Variants in MAP1B observed in about 807,000 individuals in gnomAD.
MAP1B encodes the protein microtubule associated protein 1B, also known as microtubule-associated protein 1B.
Under a neutral mutation model 176.1 loss-of-function variants are expected in MAP1B, and 12 were observed. That is an observed-to-expected ratio of 0.07 (90% CI 0.04 to 0.11). MAP1B has a LOEUF of 0.11. MAP1B is among the 10% of genes least tolerant of loss of function. The probability of loss-of-function intolerance (pLI) is 1.00; values close to 1 mark genes in which losing one functional copy is unlikely to be tolerated. For synonymous variants in MAP1B, 1,044 were observed against 1,135.0 expected, an observed-to-expected ratio of 0.92 and a Z score of 1.61; for missense variants, 2,523 against 2,990.5, an observed-to-expected ratio of 0.84 and a Z score of 3.65.
chr5:72,121,239 G>A (rs897514338), intron 2 of MAP1B, among the ~76,000 whole-genome samples: 3 of 151,316 alleles, frequency 2.0e-5, no homozygotes, highest in Admixed American at 6.6e-5. Flanking sequence ...CTCCCTCCAC[G>A]CCGTTCTACA....
Position 72,204,938 on chromosome 5 carries a change from A to AATCCTTTGC in MAP1B, c.7252-143_7252-135dup, listed in dbSNP as rs1261885131. 2.7e-5 allele frequency: 15 copies of AATCCTTTGC among 564,298 alleles called. No homozygotes were observed. Among genetic ancestry groups the AATCCTTTGC allele is most frequent in the Non-Finnish European group, 4.6e-5 (15 of 328,856 alleles). 35.0% of individuals were successfully genotyped at this position (564,298 alleles called of 1,614,324 possible). A position where few individuals can be genotyped will look rare whatever the true frequency, so the allele number is the denominator to read the frequency against. On this transcript the variant is annotated intron_variant, in intron 6 of 6. Transcript: ENST00000296755. This position sits in a 1 kb window ranked among gnomAD's most constrained non-coding sequence, Gnocchi z 4.4. Reference sequence around the variant, plus strand: ...GGTTCCTGGAAAATATACATTGAAAAATCCTTTGCATTTCTTGAGGAAAAT... The same window carrying AATCCTTTGC: ...GGTTCCTGGAAAATATACATTGAAAAATCCTTTGCATCCTTTGCATTTCTTGAGGAAAAT...
chr5:72,121,088 G>A (rs1310908019), intron 2 of MAP1B, among the ~76,000 whole-genome samples: 1 of 152,190 alleles, frequency 6.6e-6, no homozygotes, highest in Non-Finnish European at 1.5e-5. Context: ...TAAAGTGCTG[G>A]CTGGTAAAGC....
At chr5:72,108,706 C>T (rs560170630) in intron 1 of MAP1B, among the ~76,000 whole-genome samples, 2 of 152,116 alleles carry the variant, frequency 1.3e-5, no homozygotes, top group African/African-American at 2.4e-5. Flanking sequence ...GCGGCGCCCC[C>T]GTCGGGCACG....
rs1747187651 is a variant in MAP1B at position 72,196,941 on chromosome 5, G to A, written c.3586G>A (p.Asp1196Asn). 1 of 1,614,136 alleles carries A rather than the reference G, an allele frequency of 6.2e-7. No individual in the cohort carries two copies. Among genetic ancestry groups the A allele is most frequent in the South Asian group, 1.1e-5 (1 of 91,080 alleles). ...FSEGSKTDAT[D>N]GKDYNASAST... ...TGAAGGATCAAAAACAGATGCCACT[G>A]ATGGCAAGGATTACAATGCTTCAGC... is the stretch of plus-strand genomic sequence containing the variant. Residue 1196 changes from aspartate (D) to asparagine (N), a missense_variant, in exon 5 of 7, where the codon GAT (aspartate) becomes AAT (asparagine). By Grantham distance (23) the Asp-to-Asn change is conservative. Coordinates refer to ENST00000296755, the MANE Select transcript of MAP1B (RefSeq NM_005909.5). This position sits in a 1 kb window ranked among gnomAD's most constrained non-coding sequence, Gnocchi z 5.3.
intron 1 of MAP1B, among the ~76,000 whole-genome samples, chr5:72,112,651 C>T (rs1374700493): frequency 6.6e-6 from 1 of 152,196 alleles, no homozygotes; most frequent in East Asian, 1.9e-4. Context: ...AGCTCACTTT[C>T]AGGGCTGGGC....
At position 72,198,116 on chromosome 5, in the gene MAP1B, T is replaced by A. The variant is rs760907596; in HGVS notation, c.4761T>A (p.Asp1587Glu). The A allele has an allele frequency of 1.3e-5, 21 of 1,614,080 alleles. No homozygotes were observed. The highest frequency in any genetic ancestry group is 1.7e-5 in the Non-Finnish European group (20 of 1,180,032). Residue 1587 changes from aspartate (D) to glutamate (E), a missense_variant, in exon 5 of 7, where the codon GAT (aspartate) becomes GAA (glutamate). Around this residue, in one of 4 missense-constraint regions of MAP1B, gnomAD observed 1,925 missense variants for 2,126.0 expected, o/e 0.91. Transcript: ENST00000296755. The part of the protein sequence containing the change: ...EVGSPHSTEV[D>E]DSLSVSVVQT... Reference sequence around the variant, plus strand: ...GCTCCCCACATTCCACAGAAGTAGATGACTCCCTTTCAGTGTCTGTTGTGC... The same window carrying A: ...GCTCCCCACATTCCACAGAAGTAGAAGACTCCCTTTCAGTGTCTGTTGTGC...
intron 2 of MAP1B, among the ~76,000 whole-genome samples, chr5:72,154,345 T>G (rs1746192901): frequency 6.6e-6 from 1 of 152,232 alleles, no homozygotes; most frequent in African/African-American, 2.4e-5. Flanking sequence ...CTGGCATATT[T>G]TGGGACCTAT....
At chr5:72,115,508 T>C (rs1398482493) in intron 1 of MAP1B, among the ~76,000 whole-genome samples, 190 bp from the exon 2 acceptor site, 1 of 152,182 alleles carries the variant, frequency 6.6e-6, no homozygotes, top group African/African-American at 2.4e-5. Flanking sequence ...TATCCCTCCC[T>C]TGTGGCCTGG....
chr5:72,160,642 A>G (rs935560203), intron 2 of MAP1B, among the ~76,000 whole-genome samples: 2 of 152,198 alleles, frequency 1.3e-5, no homozygotes, highest in Non-Finnish European at 2.9e-5. Context: ...AGCTAGTTCC[A>G]TTCCTTGAGA....
Position 72,208,268 on chromosome 5 carries a change from C to T in MAP1B, c.*3029C>T, listed in dbSNP as rs144074665. 1.3e-5 allele frequency: 2 copies of T among 152,106 alleles called. No individual in the cohort carries two copies. The highest frequency in any genetic ancestry group is 1.3e-4 in the Admixed American group (2 of 15,270). 9.4% of individuals were successfully genotyped at this position (152,106 alleles called of 1,614,324 possible). A position where few individuals can be genotyped will look rare whatever the true frequency, so the allele number is the denominator to read the frequency against. On this transcript the variant is annotated 3_prime_UTR_variant, in exon 7 of 7. Coordinates refer to ENST00000296755, the MANE Select transcript of MAP1B (RefSeq NM_005909.5). Reference sequence around the variant, plus strand: ...TACATTCATGGTGAGAGCTAAAGATCGACACAGACTTCTAGGAGCTTTGTT... The same window carrying T: ...TACATTCATGGTGAGAGCTAAAGATTGACACAGACTTCTAGGAGCTTTGTT...
intron 2 of MAP1B, among the ~76,000 whole-genome samples, chr5:72,174,123 C>T (rs1319253876): frequency 6.6e-6 from 1 of 152,178 alleles, no homozygotes; most frequent in African/African-American, 2.4e-5. Context: ...GAGCGAGAAA[C>T]CTCGTCTCAA....
At chr5:72,124,891 G>C (rs945162205) in intron 2 of MAP1B, among the ~76,000 whole-genome samples, 3 of 152,184 alleles carry the variant, frequency 2.0e-5, no homozygotes, top group Non-Finnish European at 2.9e-5. Flanking sequence ...CATAGATGTG[G>C]CTTTTTGGAT....
At chr5:72,111,178 GTTTTA>G (rs1745330878) in intron 1 of MAP1B, among the ~76,000 whole-genome samples, 1 of 152,062 alleles carries the variant, frequency 6.6e-6, no homozygotes, top group Non-Finnish European at 1.5e-5. Flanking sequence ...CTGCTTCTTG[GTTTTA>G]TTTTAATACA....
intron 2 of MAP1B, chr5:72,116,084 T>G (rs1213873073): frequency 5.9e-6 from 2 of 341,764 alleles, no homozygotes; most frequent in South Asian, 5.7e-5. Flanking sequence ...AAATTTTGAA[T>G]TGATATCCAG....
At chr5:72,170,436 C>G (rs1269766919) in intron 2 of MAP1B, among the ~76,000 whole-genome samples, 1 of 152,060 alleles carries the variant, frequency 6.6e-6, no homozygotes, top group Non-Finnish European at 1.5e-5. Flanking sequence ...TTTTATTTAG[C>G]CTTTTAATAA....
intron 2 of MAP1B, among the ~76,000 whole-genome samples, chr5:72,177,925 C>T (rs1216530959): frequency 6.6e-6 from 1 of 152,068 alleles, no homozygotes; most frequent in African/African-American, 2.4e-5. Flanking sequence ...TCCTTCCCTT[C>T]CTCCCTCTCT....
Position 72,194,797 on chromosome 5 carries a change from C to T in MAP1B, c.1442C>T (p.Ala481Val), listed in dbSNP as rs200914093. 1.1e-4 allele frequency: 170 copies of T among 1,614,150 alleles called. 2 individuals are homozygous for T. The East Asian group carries it at 2.9e-3, about 28-fold the overall frequency. ...SLIVWHPANP[A>V]EKIIRVLFPG... ...ATTGTGTGGCATCCAGCAAACCCTG[C>T]GGAGAAAATCATCCGAGTCCTGTTT... The change falls in exon 5 of 7, where the codon GCG (alanine) becomes GTG (valine). Residue 481 changes from alanine (A) to valine (V), a missense_variant. Physicochemically the swap from Ala to Val is moderately conservative, Grantham distance 64 (BLOSUM62 0). Around this residue, in one of 4 missense-constraint regions of MAP1B, gnomAD observed 1,925 missense variants for 2,126.0 expected, o/e 0.91. Coordinates refer to ENST00000296755, the MANE Select transcript of MAP1B (RefSeq NM_005909.5). This position sits in a 1 kb window ranked among gnomAD's most constrained non-coding sequence, Gnocchi z 7.2.
At chr5:72,126,533 G>A (rs1012257754) in intron 2 of MAP1B, among the ~76,000 whole-genome samples, 1 of 152,112 alleles carries the variant, frequency 6.6e-6, no homozygotes, top group African/African-American at 2.4e-5. Flanking sequence ...CTCTCCCATG[G>A]ATCTAGATTC....
rs34251206 is a variant in MAP1B, at chr5:72,182,023, C to CTTTTTT, written c.287-1704_287-1699dup. Among the ~76,000 whole-genome samples the CTTTTTT allele has an allele frequency of 1.6e-4, 15 of 94,750 alleles. 1 individual carries two copies. Among genetic ancestry groups the CTTTTTT allele is most frequent in the South Asian group, 3.4e-4 (1 of 2,936 alleles). The allele number at this position is 94,750 out of a possible 152,430, so 62.2% of individuals were successfully genotyped here. A position where few individuals can be genotyped will look rare whatever the true frequency, so the allele number is the denominator to read the frequency against. On this transcript the variant is annotated intron_variant, in intron 2 of 6. Transcript: ENST00000296755. Reference sequence around the variant, plus strand: ...ACAGGCATGAGCCACCGCACCTGGCCTTTTTTTTTTTTTTTTTTTTTGGAG... The same window carrying CTTTTTT: ...ACAGGCATGAGCCACCGCACCTGGCCTTTTTTTTTTTTTTTTTTTTTTTTTTTGGAG...
Sources: gnomAD v4.1 joint callset for allele counts (sites outside exome capture counted in the v4.1 genomes callset) on GRCh38, gnomAD v4.1.1 for gene constraint, gnomAD v4.1.1 regional missense constraint, Gnocchi (gnomAD v3.1) non-coding constraint, MANE v1.5 for transcripts, NCBI Gene and HGNC (gene_info 2026-07-23, HGNC 2026-07-21) for gene names.